Variants in UGT2B17 observed in about 807,000 individuals in gnomAD.
The protein encoded by UGT2B17 is UDP glucuronosyltransferase family 2 member B17.
UGT2B17 carries 21 observed loss-of-function variants against 48.2 expected under a neutral mutation model. That is an observed-to-expected ratio of 0.44 (90% confidence interval 0.31 to 0.63). UGT2B17 has a LOEUF of 0.63. Among genes scored for constraint, UGT2B17 ranks in the 20% least tolerant of loss-of-function variants. UGT2B17 has a pLI of 0.08. For synonymous variants in UGT2B17, 146 were observed against 238.4 expected, an observed-to-expected ratio of 0.61 and a Z score of 3.57; for missense variants, 402 against 696.1, an observed-to-expected ratio of 0.58 and a Z score of 4.75.
At chr4:68,560,476 C>G in intron 4 of UGT2B17, 61 bp downstream of exon 4, 1 of 713,162 alleles carries the variant, frequency 1.4e-6, no homozygotes, top group Non-Finnish European at 2.1e-6. Flanking sequence ...CTGTAATGGA[C>G]TCTTGAAGAG....
At position 68,555,510 on chromosome 4, in the gene UGT2B17, A is replaced by G. The variant is rs1730984845; in HGVS notation, c.1006-3599T>C. Among the ~76,000 whole-genome samples the G allele has an allele frequency of 1.6e-5, 2 of 126,186 alleles. 1 individual carries two copies. Among genetic ancestry groups the G allele is most frequent in the Non-Finnish European group, 3.4e-5 (2 of 59,402 alleles). The allele number at this position is 126,186 out of a possible 152,430, so 82.8% of individuals were successfully genotyped here. On this transcript the variant is annotated intron_variant, in intron 4 of 6. Coordinates refer to ENST00000317746, the MANE Select transcript of UGT2B17 (RefSeq NM_001077.4). The stretch of plus-strand genomic sequence containing the variant: ...GTTTGGCCTACACCCAGAAATAAAC[A>G]CGGAGAGCTTGGAGGTTAAAAGCAA...
chr4:68,568,001 C>A lies in UGT2B17; in HGVS notation c.484G>T (p.Ala162Ser), dbSNP rs761117297. ...AGAAAGGGTATGTTAAGTAGCTCAG[C>A]CAGCAGCTCACCACAGGGATTAACG... ...DAVNPCGELL[A>S]ELLNIPFLYS... Residue 162 changes from alanine (A) to serine (S), a missense_variant, in exon 2 of 7, where the codon GCT becomes TCT. Physicochemically the swap from Ala to Ser is moderately conservative, Grantham distance 99 (BLOSUM62 1). This residue lies in a region of UGT2B17 where 84 missense variants were observed against 92.6 expected (regional missense o/e 0.91). Transcript: ENST00000317746. 2.9e-6 allele frequency: 4 copies of A among 1,382,176 alleles called. No individual in the cohort carries two copies. The highest frequency in any genetic ancestry group is 3.8e-6 in the Non-Finnish European group (4 of 1,055,380). 85.6% of individuals were successfully genotyped at this position (1,382,176 alleles called of 1,614,324 possible). A position where few individuals can be genotyped will look rare whatever the true frequency, so the allele number is the denominator to read the frequency against.
At position 68,576,243 on chromosome 4, in the gene UGT2B17, C is replaced by T. The variant is rs575737435; in HGVS notation, c.-357G>A. Among the ~76,000 whole-genome samples the T allele has an allele frequency of 2.1e-4, 27 of 126,170 alleles. 9 individuals carry two copies. The South Asian group carries it at 8.9e-3, about 42-fold the overall frequency. 82.8% of individuals were successfully genotyped at this position (126,170 alleles called of 152,430 possible). On this transcript the variant is annotated 5_prime_UTR_variant, in exon 1 of 7. Coordinates refer to ENST00000317746, the MANE Select transcript of UGT2B17 (RefSeq NM_001077.4). ...TAGCAGGACGAGCCACAGACAAAACCTCTCAGACATCGAGTTGTAGAAGGA... is the reference window on the plus strand; with the variant it reads ...TAGCAGGACGAGCCACAGACAAAACTTCTCAGACATCGAGTTGTAGAAGGA...
chr4:68,557,925 C>T (rs1229243072), intron 4 of UGT2B17, among the ~76,000 whole-genome samples: 1 of 123,816 alleles, frequency 8.1e-6, no homozygotes, highest in Non-Finnish European at 1.7e-5. Context: ...AACTTTCTGA[C>T]AGGCCCAGGA....
In UGT2B17 at chr4:68,573,715, G is replaced by T. The variant is rs1350821735; in HGVS notation, c.-65+2236C>A. 2.4e-5 allele frequency among the ~76,000 whole-genome samples: 3 copies of T among 126,458 alleles called. 1 individual carries two copies. The Admixed American group carries it at 2.4e-4, about 10-fold the overall frequency. The allele number at this position is 126,458 out of a possible 152,430, so 83.0% of individuals were successfully genotyped here. A position where few individuals can be genotyped will look rare whatever the true frequency, so the allele number is the denominator to read the frequency against. On this transcript the variant is annotated intron_variant, in intron 1 of 6. Transcript: ENST00000317746. ...TTATTTGGCAGAGTGCCTAGTAAAG[G>T]TCCACCACAATACTACCACACATCT...
rs544666000 is a variant in UGT2B17, at chr4:68,542,969, G to T, written c.1314-5065C>A. On this transcript the variant is annotated intron_variant, in intron 6 of 6. Coordinates refer to ENST00000317746, the MANE Select transcript of UGT2B17 (RefSeq NM_001077.4). ...AAGCTTGAACTGGGTGGAGCCCACC[G>T]CAGCTCAAGGACGCCTGCCTGCCTC... Among the ~76,000 whole-genome samples, 62 of 126,630 alleles carry T rather than the reference G, an allele frequency of 4.9e-4. 13 individuals carry two copies. The highest frequency in any genetic ancestry group is 1.5e-3 in the African/African-American group (57 of 37,100). The allele number at this position is 126,630 out of a possible 152,430, so 83.1% of individuals were successfully genotyped here. A position where few individuals can be genotyped will look rare whatever the true frequency, so the allele number is the denominator to read the frequency against.
chr4:68,544,769 A>G (rs1730760073), intron 6 of UGT2B17, among the ~76,000 whole-genome samples: 1 of 125,792 alleles, frequency 7.9e-6, no homozygotes, highest in Non-Finnish European at 1.7e-5. Flanking sequence ...GCAAATGGAA[A>G]GCAAAAAAAG....
chr4:68,552,956 G>A (rs1385026222), intron 4 of UGT2B17, among the ~76,000 whole-genome samples: 1 of 124,970 alleles, frequency 8.0e-6, no homozygotes, highest in African/African-American at 2.7e-5. Context: ...CAGGAGGGAG[G>A]ATAAATTTGA....
At position 68,558,191 on chromosome 4, in the gene UGT2B17, G is replaced by T. The variant is rs1266591928; in HGVS notation, c.1005+2346C>A. 1.1e-4 allele frequency among the ~76,000 whole-genome samples: 14 copies of T among 122,716 alleles called. 2 individuals carry two copies. Among genetic ancestry groups the T allele is most frequent in the Non-Finnish European group, 2.4e-4 (14 of 57,940 alleles). 80.5% of individuals were successfully genotyped at this position (122,716 alleles called of 152,430 possible). ...CATGGTTTGTCTTTAGTAAAATTGG[G>T]AAACTGAAGACAGAAAAATTATGTT... On this transcript the variant is annotated intron_variant, in intron 4 of 6. Transcript: ENST00000317746.
rs1415050241 is a variant in UGT2B17 at position 68,546,673 on chromosome 4, A to C, written c.1313+4004T>G. Reference sequence around the variant, plus strand: ...AGAAGACATGATTGTATATCTAGAAAACCTGATCGTCTGAGCCCCAAATCT... The same window carrying C: ...AGAAGACATGATTGTATATCTAGAACACCTGATCGTCTGAGCCCCAAATCT... On this transcript the variant is annotated intron_variant, in intron 6 of 6. Transcript: ENST00000317746. 1.6e-5 allele frequency among the ~76,000 whole-genome samples: 2 copies of C among 125,418 alleles called. 1 individual carries two copies. Among genetic ancestry groups the C allele is most frequent in the East Asian group, 1.5e-3 (2 of 1,308 alleles). 82.3% of individuals were successfully genotyped at this position (125,418 alleles called of 152,430 possible).
At position 68,564,294 on chromosome 4, in the gene UGT2B17, A is replaced by ATATATATATTT. The variant is rs1366181355; in HGVS notation, c.873+1277_873+1278insAAATATATATA. On this transcript the variant is annotated intron_variant, in intron 3 of 6. Coordinates refer to ENST00000317746, the MANE Select transcript of UGT2B17 (RefSeq NM_001077.4). ...ATTTCATATATATATATATATATAT[A>ATATATATATTT]TTTTTTTTTTTTGAGACAGAGTCTC... Among the ~76,000 whole-genome samples the ATATATATATTT allele has an allele frequency of 6.2e-4, 47 of 75,756 alleles. 2 individuals carry two copies. Among genetic ancestry groups the ATATATATATTT allele is most frequent in the African/African-American group, 2.2e-3 (43 of 19,704 alleles). The allele number at this position is 75,756 out of a possible 152,430, so 49.7% of individuals were successfully genotyped here.
In UGT2B17 at chr4:68,545,047, T is replaced by G. The variant is rs1284310636; in HGVS notation, c.1313+5630A>C. On this transcript the variant is annotated intron_variant, in intron 6 of 6. Coordinates refer to ENST00000317746, the MANE Select transcript of UGT2B17 (RefSeq NM_001077.4). ...AAAAGTTAACAAGGATATCCAAGAA[T>G]TGAACTCAGCTCTGCACGAAGAGGA... Among the ~76,000 whole-genome samples the G allele has an allele frequency of 1.6e-5, 2 of 125,316 alleles. 1 individual carries two copies. Among genetic ancestry groups the G allele is most frequent in the Non-Finnish European group, 3.4e-5 (2 of 59,308 alleles). 82.2% of individuals were successfully genotyped at this position (125,316 alleles called of 152,430 possible).
At chr4:68,574,954 CT>C (rs760597353) in intron 1 of UGT2B17, among the ~76,000 whole-genome samples, 1 of 109,708 alleles carries the variant, frequency 9.1e-6, no homozygotes, top group African/African-American at 3.1e-5. Flanking sequence ...CCTCCCCCCC[CT>C]TTTTTTTTTG....
rs1578165585 is a variant in UGT2B17, at chr4:68,547,242, A to G, written c.1313+3435T>C. Among the ~76,000 whole-genome samples the G allele has an allele frequency of 1.6e-5, 2 of 124,274 alleles. 1 individual carries two copies. Among genetic ancestry groups the G allele is most frequent in the South Asian group, 7.7e-4 (2 of 2,608 alleles). 81.5% of individuals were successfully genotyped at this position (124,274 alleles called of 152,430 possible). ...CAAAACAGAGATATAGACCAATGGAACAGAACAGAGCCCTCAGAAATAATG... is the reference window on the plus strand; with the variant it reads ...CAAAACAGAGATATAGACCAATGGAGCAGAACAGAGCCCTCAGAAATAATG... On this transcript the variant is annotated intron_variant, in intron 6 of 6. Coordinates refer to ENST00000317746, the MANE Select transcript of UGT2B17 (RefSeq NM_001077.4).
chr4:68,564,755 C>T (rs1349577207), intron 3 of UGT2B17, among the ~76,000 whole-genome samples: 1 of 125,806 alleles, frequency 7.9e-6, no homozygotes, highest in Non-Finnish European at 1.7e-5. Flanking sequence ...GGCTAGAGTT[C>T]AGTGGTGTGG....
In UGT2B17 at chr4:68,539,196, T is replaced by C. The variant is rs1487657113; in HGVS notation, c.1314-1292A>G. Among the ~76,000 whole-genome samples the C allele has an allele frequency of 5.5e-5, 7 of 126,376 alleles. 2 individuals carry two copies. Among genetic ancestry groups the C allele is most frequent in the Admixed American group, 8.2e-5 (1 of 12,248 alleles). The allele number at this position is 126,376 out of a possible 152,430, so 82.9% of individuals were successfully genotyped here. On this transcript the variant is annotated intron_variant, in intron 6 of 6. Coordinates refer to ENST00000317746, the MANE Select transcript of UGT2B17 (RefSeq NM_001077.4). ...CATTATCCAAAAGTGAAAACACCAA[T>C]TTATCACAAACTGCATAGAAGAACT...
rs1400010773 is a variant in UGT2B17, at chr4:68,567,613, T to C, written c.724+148A>G. ...CTGATTCTATAAGGTCAACATTCTA[T>C]ATTTTTGAGACTCATAGATCATCTT... On this transcript the variant is annotated intron_variant, in intron 2 of 6. Transcript: ENST00000317746. 3.1e-5 allele frequency: 20 copies of C among 639,658 alleles called. 3 individuals carry two copies. Among genetic ancestry groups the C allele is most frequent in the Non-Finnish European group, 4.4e-5 (20 of 450,248 alleles). 39.6% of individuals were successfully genotyped at this position (639,658 alleles called of 1,614,324 possible).
rs1422866407 is a variant in UGT2B17, at chr4:68,571,368, T to C, written c.-64-2820A>G. Among the ~76,000 whole-genome samples the C allele has an allele frequency of 1.6e-5, 2 of 125,514 alleles. 1 individual carries two copies. The highest frequency in any genetic ancestry group is 1.5e-3 in the East Asian group (2 of 1,302). 82.3% of individuals were successfully genotyped at this position (125,514 alleles called of 152,430 possible). On this transcript the variant is annotated intron_variant, in intron 1 of 6. Transcript: ENST00000317746. ...CTGATCAGGCAGCTTAGCATAAGCT[T>C]TGTGTCCACATATATCCAGTATAAT...
In UGT2B17 at chr4:68,574,112, TC is replaced by T. The variant is rs561577276; in HGVS notation, c.-65+1838del. Reference sequence around the variant, plus strand: ...TTTATTGTGTAGTTGGAATATTTGATCCATTTCAACCAGGCATTTGTAGCTT... The same window carrying T: ...TTTATTGTGTAGTTGGAATATTTGATCATTTCAACCAGGCATTTGTAGCTT... On this transcript the variant is annotated intron_variant, in intron 1 of 6. Coordinates refer to ENST00000317746, the MANE Select transcript of UGT2B17 (RefSeq NM_001077.4). Among the ~76,000 whole-genome samples, 105 of 127,248 alleles carry T rather than the reference TC, an allele frequency of 8.3e-4. 15 individuals carry two copies. Among genetic ancestry groups the T allele is most frequent in the African/African-American group, 2.6e-3 (97 of 37,174 alleles). The allele number at this position is 127,248 out of a possible 152,430, so 83.5% of individuals were successfully genotyped here. A position where few individuals can be genotyped will look rare whatever the true frequency, so the allele number is the denominator to read the frequency against.
Sources: gnomAD v4.1 joint callset for allele counts (sites outside exome capture counted in the v4.1 genomes callset) on GRCh38, gnomAD v4.1.1 for gene constraint, gnomAD v4.1.1 regional missense constraint, MANE v1.5 for transcripts, NCBI Gene and HGNC (gene_info 2026-07-23, HGNC 2026-07-21) for gene names.